Variants in SDC2 observed in about 807,000 individuals in gnomAD.
SDC2 encodes syndecan 2.
A neutral mutation model predicts 22.2 loss-of-function variants in SDC2; 13 were observed. The observed-to-expected ratio is 0.59, with a 90% confidence interval of 0.38 to 0.93. The LOEUF is 0.93. Ranked by LOEUF, SDC2 falls within the 40% of genes least tolerant of loss-of-function variation. SDC2 has a pLI of 0.00. For synonymous variants in SDC2, 94 were observed against 92.8 expected, an observed-to-expected ratio of 1.01 and a Z score of -0.07; for missense variants, 235 against 246.8, an observed-to-expected ratio of 0.95 and a Z score of 0.32.
chr8:96,561,287 T>C (rs1814206156), intron 1 of SDC2, among the ~76,000 whole-genome samples: 1 of 152,180 alleles, frequency 6.6e-6, no homozygotes, highest in South Asian at 2.1e-4. Flanking sequence ...ATATGCTTGC[T>C]CAAGCAAGGG....
intron 1 of SDC2, among the ~76,000 whole-genome samples, chr8:96,528,687 T>C (rs1813616030): frequency 6.6e-6 from 1 of 152,228 alleles, no homozygotes; most frequent in Non-Finnish European, 1.5e-5. Context: ...CTTTTAGTCT[T>C]TGGGCTGTCC....
At chr8:96,533,859 T>G (rs1333548084) in intron 1 of SDC2, among the ~76,000 whole-genome samples, 4 of 152,206 alleles carry the variant, frequency 2.6e-5, no homozygotes, top group African/African-American at 9.6e-5. Context: ...TCCTCAGCCC[T>G]TGGGCAGTAG....
intron 1 of SDC2, among the ~76,000 whole-genome samples, chr8:96,542,540 C>T (rs545799766): frequency 1.3e-5 from 2 of 152,174 alleles, no homozygotes; most frequent in South Asian, 4.2e-4. Context: ...AGCCCTCAAG[C>T]TTTTTCCAGT....
rs558269618 is a variant in SDC2, at chr8:96,557,800, C to G, written c.61-35680C>G. 5.9e-5 allele frequency among the ~76,000 whole-genome samples: 9 copies of G among 152,186 alleles called. No homozygotes were observed. The East Asian group carries it at 1.7e-3, about 29-fold the overall frequency. The stretch of plus-strand genomic sequence containing the variant: ...TAATAAAAAAAAAAGAATGGTACCA[C>G]TTCTTGCTGAACAGTATTTTTATCT... On this transcript the variant is annotated intron_variant, in intron 1 of 4. Coordinates refer to ENST00000302190, the MANE Select transcript of SDC2 (RefSeq NM_002998.4).
intron 1 of SDC2, among the ~76,000 whole-genome samples, chr8:96,535,534 C>G (rs181265720): frequency 1.3e-3 from 200 of 152,342 alleles, no homozygotes; most frequent in Non-Finnish European, 2.5e-3. Context: ...TCCTAAGGCC[C>G]TGTTTTGACG....
At chr8:96,517,777 G>GCA (rs1813428225) in intron 1 of SDC2, among the ~76,000 whole-genome samples, 1 of 38,470 alleles carries the variant, frequency 2.6e-5, no homozygotes, top group African/African-American at 2.4e-4. Flanking sequence ...GTGCATGTGT[G>GCA]TGTGTGTGTG....
intron 1 of SDC2, among the ~76,000 whole-genome samples, chr8:96,554,422 A>T (rs1490045766): frequency 6.6e-6 from 1 of 152,206 alleles, no homozygotes; most frequent in South Asian, 2.1e-4. Context: ...TCTTAATATG[A>T]TTTTAAAAGG....
chr8:96,558,456 G>GA (rs1197123098), intron 1 of SDC2, among the ~76,000 whole-genome samples: 1 of 152,154 alleles, frequency 6.6e-6, no homozygotes, highest in Non-Finnish European at 1.5e-5. Flanking sequence ...ATACAACACA[G>GA]AATTTCTGAA....
At chr8:96,501,329 CAG>C (rs1467853734) in intron 1 of SDC2, among the ~76,000 whole-genome samples, 9 of 94,640 alleles carry the variant, frequency 9.5e-5, no homozygotes, top group Admixed American at 5.3e-4. Flanking sequence ...TTTTTTGAGA[CAG>C]AGTCTCACTC....
intron 1 of SDC2, among the ~76,000 whole-genome samples, chr8:96,591,988 A>G (rs1814789137): frequency 6.6e-6 from 1 of 152,186 alleles, no homozygotes; most frequent in Non-Finnish European, 1.5e-5. Flanking sequence ...GAATGGTGAT[A>G]GCCTTGGAAA....
intron 1 of SDC2, among the ~76,000 whole-genome samples, chr8:96,568,863 T>C (rs1317965356): frequency 1.3e-5 from 2 of 152,198 alleles, no homozygotes; most frequent in Non-Finnish European, 2.9e-5. Flanking sequence ...GATAGGCAGA[T>C]GTAACCCAGA....
intron 1 of SDC2, among the ~76,000 whole-genome samples, chr8:96,497,332 TTCTC>T (rs1412585083): frequency 2.6e-5 from 4 of 152,146 alleles, no homozygotes; most frequent in Non-Finnish European, 5.9e-5. Context: ...CAAGGGCTCT[TTCTC>T]TCTTAGTTGG....
intron 1 of SDC2, among the ~76,000 whole-genome samples, chr8:96,564,293 A>G (rs1814259488): frequency 6.6e-6 from 1 of 152,324 alleles, no homozygotes. Flanking sequence ...CCATGGATAC[A>G]TGTCATCTGT....
chr8:96,589,698 A>G (rs1814745958), intron 1 of SDC2, among the ~76,000 whole-genome samples: 1 of 152,236 alleles, frequency 6.6e-6, no homozygotes, highest in Admixed American at 6.5e-5. Context: ...GGCGTGAGCC[A>G]CTGTGCTAGG....
At chr8:96,572,024 G>C (rs16894763) in intron 1 of SDC2, among the ~76,000 whole-genome samples, 10,835 of 152,160 alleles carry the variant, frequency 0.071, 516 homozygotes, top group East Asian at 0.2. Context: ...ATTGGGGTTT[G>C]TTTATCCTTC....
rs1205015868 is a variant in SDC2, at chr8:96,611,094, T to C, written c.*1546T>C. The C allele has an allele frequency of 6.6e-6, 1 of 152,582 alleles. No individual in the cohort carries two copies. The highest frequency in any genetic ancestry group is 2.4e-5 in the African/African-American group (1 of 41,438). 9.5% of individuals were successfully genotyped at this position (152,582 alleles called of 1,614,324 possible). On this transcript the variant is annotated 3_prime_UTR_variant, in exon 5 of 5. Coordinates refer to ENST00000302190, the MANE Select transcript of SDC2 (RefSeq NM_002998.4). ...GAAGCTTAACCGAAGAACTAATAAA[T>C]GGACTACAGTAGCTCACGTTACAGG... is the stretch of plus-strand genomic sequence containing the variant.
rs1814244755 is a variant in SDC2 at position 96,563,407 on chromosome 8, G to A, written c.61-30073G>A. Among the ~76,000 whole-genome samples, 2 of 152,168 alleles carry A rather than the reference G, an allele frequency of 1.3e-5. 1 individual carries two copies. Among genetic ancestry groups the A allele is most frequent in the South Asian group, 4.1e-4 (2 of 4,824 alleles). The stretch of plus-strand genomic sequence containing the variant: ...TCTAGCACATCCTCTCATGCTCTTT[G>A]CTACCTAACTAAGCTGAGTGCTCTC... On this transcript the variant is annotated intron_variant, in intron 1 of 4. Transcript: ENST00000302190.
intron 1 of SDC2, among the ~76,000 whole-genome samples, chr8:96,579,998 C>G (rs1814563506): frequency 6.6e-6 from 1 of 152,132 alleles, no homozygotes; most frequent in South Asian, 2.1e-4. Context: ...CAGAGCCCCC[C>G]CAGCACGATT....
rs569649589 is a variant in SDC2 at position 96,589,691 on chromosome 8, G to A, written c.61-3789G>A. Among the ~76,000 whole-genome samples, 20 of 152,344 alleles carry A rather than the reference G, an allele frequency of 1.3e-4. No homozygotes were observed. The East Asian group carries it at 2.3e-3, about 18-fold the overall frequency. On this transcript the variant is annotated intron_variant, in intron 1 of 4. Transcript: ENST00000302190. The stretch of plus-strand genomic sequence containing the variant: ...CTCCCAAAGTGCTGGGATTACAGGC[G>A]TGAGCCACTGTGCTAGGCCCAACTA...
Sources: gnomAD v4.1 joint callset for allele counts (sites outside exome capture counted in the v4.1 genomes callset) on GRCh38, gnomAD v4.1.1 for gene constraint, MANE v1.5 for transcripts, NCBI Gene and HGNC (gene_info 2026-07-23, HGNC 2026-07-21) for gene names.